Variants in MYO5B observed in about 807,000 individuals in gnomAD.
MYO5B encodes the protein unconventional myosin-Vb.
A neutral mutation model predicts 229.3 loss-of-function variants in MYO5B; 143 were observed. The ratio of observed to expected loss-of-function variants is 0.62; its 90% CI spans 0.54 to 0.72. The LOEUF is 0.72. MYO5B is among the 30% of genes least tolerant of loss of function. The pLI, the probability that MYO5B is intolerant of heterozygous loss-of-function variation, is 0.00. For missense variants in MYO5B, 2,321 were observed against 2,331.0 expected (o/e 1.00, Z 0.09); for synonymous variants, 918 against 885.2 (o/e 1.04, Z -0.66).
chr18:50,076,574 T>C (rs1489114517), intron 1 of MYO5B, among the ~76,000 whole-genome samples: 1 of 152,170 alleles, frequency 6.6e-6, no homozygotes, highest in African/African-American at 2.4e-5. Flanking sequence ...TGACATAGCC[T>C]TGGGCTTGTC....
intron 1 of MYO5B, among the ~76,000 whole-genome samples, chr18:50,095,590 A>G (rs1187453200): frequency 1.3e-5 from 2 of 152,222 alleles, no homozygotes; most frequent in Non-Finnish European, 2.9e-5. Flanking sequence ...AGACACACCT[A>G]AGCCCAGCCC....
chr18:49,864,413 T>A, intron 27 of MYO5B, 33 bp from the exon 28 acceptor site: 1 of 1,610,730 alleles, frequency 6.2e-7, no homozygotes, highest in Non-Finnish European at 8.5e-7. Flanking sequence ...CTGCCATTAC[T>A]CCCTGCCCTA....
At chr18:50,159,422 A>G (rs954171457) in intron 1 of MYO5B, among the ~76,000 whole-genome samples, 1 of 151,866 alleles carries the variant, frequency 6.6e-6, no homozygotes, top group Admixed American at 6.6e-5. Context: ...CAACCCTCAC[A>G]CCCATCTTTC....
chr18:50,113,022 G>T (rs940433736), intron 1 of MYO5B, among the ~76,000 whole-genome samples: 2 of 151,968 alleles, frequency 1.3e-5, no homozygotes, highest in Non-Finnish European at 2.9e-5. Context: ...TATAAATAAC[G>T]CACAATTAGA....
intron 2 of MYO5B, among the ~76,000 whole-genome samples, chr18:50,043,355 A>ATAAATATATTATATAATATATAATATAT (rs1568083253): frequency 4.3e-5 from 5 of 115,442 alleles, no homozygotes; most frequent in African/African-American, 7.0e-5. Context: ...TATATATAAT[A>ATAAATATATTATATAATATATAATATAT]TAAATATATT....
intron 2 of MYO5B, among the ~76,000 whole-genome samples, chr18:50,044,061 G>T (rs1458503416): frequency 6.6e-6 from 1 of 152,076 alleles, no homozygotes; most frequent in Non-Finnish European, 1.5e-5. Context: ...AAAAAAGCAC[G>T]TGGAGGCAAA....
chr18:50,172,532 T>C (rs1356208256), intron 1 of MYO5B, among the ~76,000 whole-genome samples: 1 of 152,110 alleles, frequency 6.6e-6, no homozygotes, highest in African/African-American at 2.4e-5. Context: ...GGTGGATGAC[T>C]CTCCCTCAAT....
At chr18:49,955,866 G>A (rs964243500) in intron 12 of MYO5B, among the ~76,000 whole-genome samples, 5 of 152,196 alleles carry the variant, frequency 3.3e-5, no homozygotes, top group East Asian at 1.9e-4. Context: ...TGTCAGGACC[G>A]GGTGGGACAG....
intron 1 of MYO5B, among the ~76,000 whole-genome samples, chr18:50,071,892 C>A (rs1480819316): frequency 6.6e-6 from 1 of 152,228 alleles, no homozygotes; most frequent in Non-Finnish European, 1.5e-5. Flanking sequence ...TTCACTGAGT[C>A]CCATGCTCCA....
At chr18:50,010,670 G>C (rs532359723) in intron 4 of MYO5B, among the ~76,000 whole-genome samples, 1 of 152,288 alleles carries the variant, frequency 6.6e-6, no homozygotes, top group South Asian at 2.1e-4. Flanking sequence ...GAGCAACAGA[G>C]GCACGTGTTT....
Position 49,848,753 on chromosome 18 carries a change from A to C in MYO5B, c.4315+814T>G, listed in dbSNP as rs371579358. On this transcript the variant is annotated intron_variant, in intron 32 of 39. Transcript: ENST00000285039. ...GAAGCCAAGAGACTAGGAGAATGAG[A>C]AACTGGAGGAATAGCAAATCCAAAG... Among the ~76,000 whole-genome samples, 16 of 152,180 alleles carry C rather than the reference A, an allele frequency of 1.1e-4. No homozygotes were observed. In the East Asian group the frequency reaches 2.5e-3, roughly 24 times the overall value.
At chr18:49,984,620 T>A (rs1274743491) in intron 8 of MYO5B, 98 bp downstream of exon 8, 2 of 917,434 alleles carry the variant, frequency 2.2e-6, no homozygotes, top group African/African-American at 3.3e-5. Context: ...CATTAGCTCC[T>A]GCAGGTTGCT....
chr18:49,942,380 C>CAAAAAAAAAA (rs753691754), intron 14 of MYO5B, among the ~76,000 whole-genome samples: 2 of 32,744 alleles, frequency 6.1e-5, no homozygotes, highest in African/African-American at 2.6e-4. Context: ...TTCTGCACAG[C>CAAAAAAAAAA]AAAAAAAAAA....
At chr18:49,931,463 A>T (rs959024383) in intron 16 of MYO5B, among the ~76,000 whole-genome samples, 2 of 152,170 alleles carry the variant, frequency 1.3e-5, no homozygotes, top group Non-Finnish European at 2.9e-5. Flanking sequence ...GGCACAACGG[A>T]ACACTGATTT....
Position 49,933,582 on chromosome 18 carries a change from G to C in MYO5B, c.2003+2670C>G, listed in dbSNP as rs200047682. 1.1e-4 allele frequency among the ~76,000 whole-genome samples: 16 copies of C among 152,322 alleles called. 1 individual carries two copies. The South Asian group carries it at 1.5e-3, about 14-fold the overall frequency. ...AATTTTGTCCCCAAGAGAACATTTGGCAATGTCTAAAAACATTTTTAGCTG... is the reference window on the plus strand; with the variant it reads ...AATTTTGTCCCCAAGAGAACATTTGCCAATGTCTAAAAACATTTTTAGCTG... On this transcript the variant is annotated intron_variant, in intron 16 of 39. Coordinates refer to ENST00000285039, the MANE Select transcript of MYO5B (RefSeq NM_001080467.3).
At chr18:49,872,473 C>T (rs759584108) in intron 26 of MYO5B, among the ~76,000 whole-genome samples, 3 of 152,162 alleles carry the variant, frequency 2.0e-5, no homozygotes, top group Non-Finnish European at 2.9e-5. Context: ...ATGGTCCCCA[C>T]AGGCACTTAT....
intron 1 of MYO5B, among the ~76,000 whole-genome samples, chr18:50,157,821 T>A (rs1568127971): frequency 6.6e-6 from 1 of 152,250 alleles, no homozygotes. Context: ...GCCAAAACCA[T>A]GTCTTGTGTT....
intron 36 of MYO5B, 84 bp downstream of exon 36, chr18:49,839,060 C>T: frequency 1.3e-6 from 2 of 1,563,286 alleles, no homozygotes; most frequent in South Asian, 2.2e-5. Context: ...TATCTGGTTC[C>T]CGAAAGGCAG....
intron 22 of MYO5B, among the ~76,000 whole-genome samples, chr18:49,885,738 A>G (rs893785939): frequency 6.6e-6 from 1 of 152,134 alleles, no homozygotes; most frequent in Non-Finnish European, 1.5e-5. Context: ...CACTGGAGCT[A>G]AGGATTGGGG....
Sources: allele counts gnomAD v4.1 joint callset (sites outside exome capture counted in the v4.1 genomes callset), GRCh38; gene constraint gnomAD v4.1.1; transcripts MANE v1.5; gene names NCBI Gene and HGNC (gene_info 2026-07-23, HGNC 2026-07-21).